Variants in DLG2 observed in about 807,000 individuals in gnomAD.
DLG2 encodes the protein discs large MAGUK scaffold protein 2.
DLG2 carries 45 observed loss-of-function variants against 132.5 expected under a neutral mutation model. That is an observed-to-expected ratio of 0.34 (90% CI 0.27 to 0.44). The LOEUF is 0.44. Ranked by LOEUF, DLG2 falls within the 20% of genes least tolerant of loss-of-function variation. The pLI is 1.00. For missense variants in DLG2, 1,045 were observed against 1,196.9 expected (o/e 0.87, Z 1.87); for synonymous variants, 424 against 419.6 (o/e 1.01, Z -0.13).
intron 10 of DLG2, among the ~76,000 whole-genome samples, chr11:84,096,803 AAATT>A (rs1191343647): frequency 6.6e-6 from 1 of 152,142 alleles, no homozygotes; most frequent in Non-Finnish European, 1.5e-5. Context: ...CCTCATTCAG[AAATT>A]AATTTAGTTA....
chr11:84,673,601 TAAAA>T (rs545722898), intron 6 of DLG2, among the ~76,000 whole-genome samples: 1 of 120,348 alleles, frequency 8.3e-6, no homozygotes, highest in Non-Finnish European at 1.9e-5. Flanking sequence ...CCCTAGAATC[TAAAA>T]AAAAAAAAAA....
intron 6 of DLG2, among the ~76,000 whole-genome samples, chr11:84,603,229 T>C (rs1033718322): frequency 5.3e-5 from 8 of 151,960 alleles, no homozygotes; most frequent in African/African-American, 1.9e-4. Flanking sequence ...CCAATAAATA[T>C]TGAGCTATTA....
chr11:85,507,781 G>A (rs561088541), intron 3 of DLG2, among the ~76,000 whole-genome samples: 4 of 152,176 alleles, frequency 2.6e-5, no homozygotes, highest in African/African-American at 4.8e-5. Context: ...AAGTTCTCCT[G>A]GATACTATCC....
chr11:83,516,011 G>A (rs1854152636), intron 21 of DLG2, among the ~76,000 whole-genome samples: 1 of 152,156 alleles, frequency 6.6e-6, no homozygotes, highest in Non-Finnish European at 1.5e-5. Context: ...GTTGATTTGG[G>A]GTGGAGAGTT....
chr11:83,693,204 T>G (rs113723607), intron 18 of DLG2: 1 of 152,220 alleles, frequency 6.6e-6, no homozygotes, highest in Non-Finnish European at 1.5e-5. Context: ...CCTTGTCACA[T>G]GCCTGAAATA....
chr11:85,231,773 C>T (rs1050491326), intron 4 of DLG2, among the ~76,000 whole-genome samples: 7 of 151,878 alleles, frequency 4.6e-5, no homozygotes, highest in South Asian at 2.1e-4. Context: ...CTCCTCCAAA[C>T]GCATGAATTT....
At chr11:84,374,562 TG>T (rs1371425727) in intron 7 of DLG2, among the ~76,000 whole-genome samples, 1 of 152,174 alleles carries the variant, frequency 6.6e-6, no homozygotes, top group African/African-American at 2.4e-5. Context: ...CTTCTTCCAG[TG>T]TGGCCCAGGG....
chr11:85,539,368 T>C (rs1309484971), intron 3 of DLG2, among the ~76,000 whole-genome samples: 1 of 152,230 alleles, frequency 6.6e-6, no homozygotes, highest in African/African-American at 2.4e-5. Flanking sequence ...AAATGAATTG[T>C]TATGCTTTTC....
intron 16 of DLG2, among the ~76,000 whole-genome samples, chr11:83,837,630 G>C (rs2056546227): frequency 6.6e-6 from 1 of 150,718 alleles, no homozygotes; most frequent in Non-Finnish European, 1.5e-5. Context: ...TTTATCTAAA[G>C]GGAGCAGGTT....
chr11:84,734,902 G>A (rs1160807955), intron 6 of DLG2, among the ~76,000 whole-genome samples: 1 of 152,054 alleles, frequency 6.6e-6, no homozygotes, highest in Non-Finnish European at 1.5e-5. Flanking sequence ...TAATCATGTG[G>A]TTTTTGTCTT....
At chr11:84,807,851 G>T (rs1268182297) in intron 6 of DLG2, among the ~76,000 whole-genome samples, 1 of 152,094 alleles carries the variant, frequency 6.6e-6, no homozygotes, top group African/African-American at 2.4e-5. Flanking sequence ...AATATATGAA[G>T]CAAAAGCAAT....
chr11:85,211,993 TCTAC>T (rs143708683), intron 4 of DLG2, among the ~76,000 whole-genome samples: 117 of 152,256 alleles, frequency 7.7e-4, no homozygotes, highest in African/African-American at 2.6e-3. Context: ...TTTCTGCTTA[TCTAC>T]CTAATTGTAA....
At chr11:83,899,478 A>G (rs1318277909) in intron 15 of DLG2, among the ~76,000 whole-genome samples, 1 of 152,196 alleles carries the variant, frequency 6.6e-6, no homozygotes, top group Non-Finnish European at 1.5e-5. Context: ...TGTGGCTCCC[A>G]TAATTCCCAT....
At chr11:83,697,739 A>T (rs747461577) in intron 18 of DLG2, among the ~76,000 whole-genome samples, 1 of 152,232 alleles carries the variant, frequency 6.6e-6, no homozygotes, top group African/African-American at 2.4e-5. Context: ...GTATGTAAAA[A>T]GCTTTAATAA....
intron 19 of DLG2, among the ~76,000 whole-genome samples, chr11:83,618,529 C>T (rs1412811914): frequency 6.6e-6 from 1 of 152,094 alleles, no homozygotes; most frequent in Non-Finnish European, 1.5e-5. Flanking sequence ...CTATTATACC[C>T]ATTTTATGGA....
intron 6 of DLG2, among the ~76,000 whole-genome samples, chr11:84,975,783 T>G (rs949558660): frequency 6.6e-6 from 1 of 152,186 alleles, no homozygotes; most frequent in Non-Finnish European, 1.5e-5. Flanking sequence ...AAATTCAAAC[T>G]GTCTTCCTCT....
intron 6 of DLG2, among the ~76,000 whole-genome samples, chr11:85,082,476 G>A (rs146495340): frequency 1.8e-4 from 28 of 152,124 alleles, no homozygotes; most frequent in African/African-American, 2.6e-4. Context: ...AGCTTTAGAC[G>A]TGAGAAGAAT....
chr11:84,714,653 C>CTCTCTT (rs2060991773), intron 6 of DLG2, among the ~76,000 whole-genome samples: 6 of 142,076 alleles, frequency 4.2e-5, no homozygotes, highest in African/African-American at 1.6e-4. Flanking sequence ...CTCTTTCTCT[C>CTCTCTT]TCTCTCTCTC....
intron 5 of DLG2, among the ~76,000 whole-genome samples, chr11:85,121,921 C>A (rs1220899153): frequency 2.0e-5 from 3 of 152,074 alleles, no homozygotes; most frequent in South Asian, 2.1e-4. Flanking sequence ...TATACACACA[C>A]AGAAGTACAT....
Sources: allele counts gnomAD v4.1 joint callset (sites outside exome capture counted in the v4.1 genomes callset), GRCh38; gene constraint gnomAD v4.1.1; transcripts MANE v1.5; gene names NCBI Gene and HGNC (gene_info 2026-07-23, HGNC 2026-07-21).